PPP2R2C: variants seen among roughly 807,000 people sequenced by gnomAD.
PPP2R2C encodes protein phosphatase 2 regulatory subunit Bgamma.
Under a neutral mutation model 45.3 loss-of-function variants are expected in PPP2R2C, and 10 were observed. The ratio of observed to expected loss-of-function variants is 0.22; its 90% CI spans 0.14 to 0.37. The LOEUF (loss-of-function observed/expected upper bound fraction) is 0.37, where lower values mean the gene tolerates loss of function less well. Ranked by LOEUF, PPP2R2C falls within the 10% of genes least tolerant of loss-of-function variation. The pLI, the probability that PPP2R2C is intolerant of heterozygous loss-of-function variation, is 1.00. For synonymous variants in PPP2R2C, 257 were observed against 245.4 expected (o/e 1.05, Z -0.44); for missense variants, 308 against 619.7 (o/e 0.50, Z 5.34).
At chr4:6,455,125 C>T (rs1160169913) in intron 1 of PPP2R2C, among the ~76,000 whole-genome samples, 1 of 152,216 alleles carries the variant, frequency 6.6e-6, no homozygotes, top group Non-Finnish European at 1.5e-5. Context: ...CTGTAATCTA[C>T]AGATGACTCC....
At chr4:6,335,376 G>A (rs1732763890) in intron 6 of PPP2R2C, among the ~76,000 whole-genome samples, 1 of 152,128 alleles carries the variant, frequency 6.6e-6, no homozygotes, top group African/African-American at 2.4e-5. Context: ...TGGTGGCGAT[G>A]CCTGGAGAGG....
At chr4:6,336,669 TTCCA>T (rs1560453312) in intron 6 of PPP2R2C, among the ~76,000 whole-genome samples, 1 of 1,994 alleles carries the variant, frequency 5.0e-4, no homozygotes. Context: ...CCCTCCCTGC[TTCCA>T]TCCCTCCCTC....
At chr4:6,492,718 T>C (rs1722735345) in intron 2 of PPP2R2C, among the ~76,000 whole-genome samples, 1 of 152,142 alleles carries the variant, frequency 6.6e-6, no homozygotes, top group Non-Finnish European at 1.5e-5. Context: ...CATGCCAGGC[T>C]CAGGCACTAC....
chr4:6,351,326 T>C (rs1712532753), intron 5 of PPP2R2C: 5 of 940,138 alleles, frequency 5.3e-6, no homozygotes. Flanking sequence ...AATAAATAAA[T>C]AAATTAATTA....
Position 6,330,975 on chromosome 4 carries a change from G to A in PPP2R2C, c.961-1622C>T, listed in dbSNP as rs1042149319. 2.1e-4 allele frequency among the ~76,000 whole-genome samples: 32 copies of A among 152,142 alleles called. No individual in the cohort carries two copies. The highest frequency in any genetic ancestry group is 2.0e-4 in the Admixed American group (3 of 15,282). ...GTGTTCCTGTCTGTCTGGGACCCTC[G>A]AGGGTGAGGCCGAGGTTCTTCCTTC... is the stretch of plus-strand genomic sequence containing the variant. On this transcript the variant is annotated intron_variant, in intron 7 of 8. Transcript: ENST00000382599. The surrounding 1 kb of genome is among the most constrained non-coding windows in gnomAD (Gnocchi z 7.0).
At chr4:6,525,895 C>T (rs536028549) in intron 2 of PPP2R2C, among the ~76,000 whole-genome samples, 5 of 152,134 alleles carry the variant, frequency 3.3e-5, no homozygotes, top group South Asian at 2.1e-4. Flanking sequence ...GTAGATACAG[C>T]GTTTCACCAT....
chr4:6,562,191 C>T (rs1725598250), intron 1 of PPP2R2C, among the ~76,000 whole-genome samples: 1 of 152,218 alleles, frequency 6.6e-6, no homozygotes, highest in East Asian at 1.9e-4. Context: ...ACTGAGGAGG[C>T]AGCTGCAGCA....
chr4:6,405,542 C>T (rs75157866), intron 1 of PPP2R2C, among the ~76,000 whole-genome samples: 3 of 152,186 alleles, frequency 2.0e-5, no homozygotes, highest in East Asian at 1.9e-4. Context: ...AGGGCAACCC[C>T]GTGCAGAGCA....
chr4:6,428,006 C>T lies in PPP2R2C; in HGVS notation c.70+44154G>A, dbSNP rs909863869. On this transcript the variant is annotated intron_variant, in intron 1 of 8. Coordinates refer to ENST00000382599, the MANE Select transcript of PPP2R2C (RefSeq NM_020416.4). ...GGGAACGAGCTAGACAGCAGAACAG[C>T]TGGGGTGCCAGGATTTGAAAGAACA... Among the ~76,000 whole-genome samples the T allele has an allele frequency of 3.9e-5, 6 of 152,226 alleles. 1 individual carries two copies. Among genetic ancestry groups the T allele is most frequent in the Admixed American group, 3.9e-4 (6 of 15,286 alleles).
intron 5 of PPP2R2C, chr4:6,349,807 C>T (rs1406078956): frequency 1.6e-5 from 14 of 878,902 alleles, no homozygotes; most frequent in South Asian, 1.6e-4. Flanking sequence ...AGGGGAATCA[C>T]GTGAACCTGG....
At position 6,332,287 on chromosome 4, in the gene PPP2R2C, T is replaced by C. The variant is rs1732468985; in HGVS notation, c.960+1275A>G. ...TTGAGCCGGGCTTATCCTGTCCCTCTCCTAGTCTGGGGTCTCTGCCATTCC... is the reference window on the plus strand; with the variant it reads ...TTGAGCCGGGCTTATCCTGTCCCTCCCCTAGTCTGGGGTCTCTGCCATTCC... On this transcript the variant is annotated intron_variant, in intron 7 of 8. Coordinates refer to ENST00000382599, the MANE Select transcript of PPP2R2C (RefSeq NM_020416.4). The surrounding 1 kb of genome is among the most constrained non-coding windows in gnomAD (Gnocchi z 4.9). Among the ~76,000 whole-genome samples the C allele has an allele frequency of 6.6e-6, 1 of 152,128 alleles. No individual in the cohort carries two copies. Among genetic ancestry groups the C allele is most frequent in the Non-Finnish European group, 1.5e-5 (1 of 68,030 alleles).
intron 1 of PPP2R2C, among the ~76,000 whole-genome samples, chr4:6,554,635 A>G (rs1725300881): frequency 6.6e-6 from 1 of 152,096 alleles, no homozygotes. Context: ...CAAGGCAGGC[A>G]GAGTACTTGA....
chr4:6,528,284 G>A (rs1400952226), intron 2 of PPP2R2C, among the ~76,000 whole-genome samples: 3 of 152,204 alleles, frequency 2.0e-5, no homozygotes, highest in Non-Finnish European at 4.4e-5. Context: ...GTGTTGGCTC[G>A]GGCCGGGAGG....
chr4:6,446,255 A>T (rs1720412343), intron 1 of PPP2R2C, among the ~76,000 whole-genome samples: 1 of 152,094 alleles, frequency 6.6e-6, no homozygotes, highest in African/African-American at 2.4e-5. Context: ...CCCACTTTTC[A>T]AAAGGGCTGA....
intron 2 of PPP2R2C, among the ~76,000 whole-genome samples, chr4:6,479,113 C>A (rs1166863442): frequency 6.6e-6 from 1 of 152,202 alleles, no homozygotes; most frequent in African/African-American, 2.4e-5. Context: ...TACAAATGAA[C>A]AAACCGCACC....
chr4:6,395,577 C>T (rs963503191), intron 1 of PPP2R2C, among the ~76,000 whole-genome samples: 2 of 152,152 alleles, frequency 1.3e-5, no homozygotes, highest in African/African-American at 4.8e-5. Context: ...AGGGTGTGGG[C>T]AGAGGCGGGA....
At chr4:6,355,855 G>A (rs763665054) in intron 5 of PPP2R2C, among the ~76,000 whole-genome samples, 6 of 151,856 alleles carry the variant, frequency 4.0e-5, no homozygotes, top group East Asian at 1.9e-4. Flanking sequence ...TTAGCTGGGC[G>A]TGGTAGTGGG....
chr4:6,487,069 C>CTTTAACTTATAA, intron 2 of PPP2R2C, among the ~76,000 whole-genome samples: 1 of 151,832 alleles, frequency 6.6e-6, no homozygotes, highest in Non-Finnish European at 1.5e-5. Context: ...CACAGTCTAC[C>CTTTAACTTATAA]TTCAGGTGAT....
At position 6,477,651 on chromosome 4, in the gene PPP2R2C, G is replaced by A. The variant is rs549600351; in HGVS notation, c.49+57620C>T. 4.6e-5 allele frequency among the ~76,000 whole-genome samples: 7 copies of A among 150,882 alleles called. No homozygotes were observed. The South Asian group carries it at 6.3e-4, about 14-fold the overall frequency. ...TGAGGCAGGAGAAGGGTGTGAACCC[G>A]GGAGGCGGAGCTTGCAGTGAGCCAA... is the stretch of plus-strand genomic sequence containing the variant. On this transcript the variant is annotated intron_variant, in intron 2 of 9. Coordinates refer to the PPP2R2C transcript ENST00000506140.
Sources: allele counts gnomAD v4.1 joint callset (sites outside exome capture counted in the v4.1 genomes callset), GRCh38; gene constraint gnomAD v4.1.1; non-coding constraint Gnocchi (gnomAD v3.1); transcripts MANE v1.5; gene names NCBI Gene and HGNC (gene_info 2026-07-23, HGNC 2026-07-21).